Variants in TASOR2 observed in about 807,000 individuals in gnomAD.
The protein encoded by TASOR2 is protein TASOR 2.
A neutral mutation model predicts 199.5 loss-of-function variants in TASOR2; 84 were observed. The observed-to-expected ratio is 0.42, with a 90% CI of 0.35 to 0.50. The LOEUF is 0.50. Ranked by LOEUF, TASOR2 falls within the 20% of genes least tolerant of loss-of-function variation. The probability of loss-of-function intolerance (pLI) is 0.02; values close to 1 mark genes in which losing one functional copy is unlikely to be tolerated. For missense variants in TASOR2, 2,796 were observed against 2,835.9 expected (o/e 0.99, Z 0.32); for synonymous variants, 1,103 against 1,046.6 (o/e 1.05, Z -1.04).
intron 11 of TASOR2, among the ~76,000 whole-genome samples, chr10:5,732,009 C>G (rs1400805491): frequency 6.6e-6 from 1 of 152,306 alleles, no homozygotes; most frequent in Non-Finnish European, 1.5e-5. Flanking sequence ...ACGTGAGCAC[C>G]TGGATTATTC....
exon 13 of TASOR2, chr10:5,739,877 G>A: frequency 6.2e-7 from 1 of 1,614,106 alleles, no homozygotes; most frequent in Non-Finnish European, 8.5e-7. Context: ...ATGATGTTTT[G>A]CTCTCTAAAG....
intron 1 of TASOR2, among the ~76,000 whole-genome samples, chr10:5,711,909 A>G (rs1267818797): frequency 6.6e-6 from 1 of 152,140 alleles, no homozygotes; most frequent in African/African-American, 2.4e-5. Context: ...TGAGTGGGCA[A>G]TAGTAGGTCC....
At position 5,684,972 on chromosome 10, in the gene TASOR2, C is replaced by T. The variant is rs560625402; in HGVS notation, c.-491C>T. On this transcript the variant is annotated 5_prime_UTR_variant, in exon 1 of 21. Transcript: ENST00000328090. ...GCGGCCGCGGCGTCCCTGTCAGCGCCCGCGGCGAGGACCCCGGGGCTGGGG... is the reference window on the plus strand; with the variant it reads ...GCGGCCGCGGCGTCCCTGTCAGCGCTCGCGGCGAGGACCCCGGGGCTGGGG... The T allele has an allele frequency of 5.3e-5, 21 of 397,750 alleles. 1 individual carries two copies. Among genetic ancestry groups the T allele is most frequent in the Non-Finnish European group, 3.5e-5 (8 of 225,464 alleles). The allele number at this position is 397,750 out of a possible 1,614,324, so 24.6% of individuals were successfully genotyped here.
rs114756514 is a variant in TASOR2 at position 5,732,218 on chromosome 10, G to C, written c.1204+1015G>C. On this transcript the variant is annotated intron_variant, in intron 11 of 20. Coordinates refer to ENST00000328090, the Ensembl canonical transcript of TASOR2. ...CTTTGGTTTAGAGTCATCTCAAATT[G>C]TGTTTTACTCTATTTTCTCTAAAAG... 3.4e-3 allele frequency among the ~76,000 whole-genome samples: 523 copies of C among 152,330 alleles called. 1 individual carries two copies. The highest frequency in any genetic ancestry group is 0.011 in the African/African-American group (471 of 41,580).
chr10:5,762,132 G>C (rs1487069680), intron 19 of TASOR2, among the ~76,000 whole-genome samples: 1 of 152,006 alleles, frequency 6.6e-6, no homozygotes, highest in Non-Finnish European at 1.5e-5. Flanking sequence ...CAGGTGTGGT[G>C]ATGTGTGCCT....
chr10:5,749,760 T>C, exon 15 of TASOR2: 1 of 1,614,218 alleles, frequency 6.2e-7, no homozygotes, highest in Non-Finnish European at 8.5e-7. Context: ...TTATTCTCAA[T>C]GAGTATGCTG....
chr10:5,726,896 A>G, exon 9 of TASOR2: 1 of 1,614,018 alleles, frequency 6.2e-7, no homozygotes, highest in Non-Finnish European at 8.5e-7. Context: ...CAATCATCAA[A>G]TGCTTAGAAG....
At chr10:5,743,581 T>C (rs550801871) in intron 14 of TASOR2, among the ~76,000 whole-genome samples, 95 of 152,194 alleles carry the variant, frequency 6.2e-4, no homozygotes, top group African/African-American at 2.1e-3. Context: ...GCTTTTTTTT[T>C]CCCCTAAAGA....
exon 16 of TASOR2, chr10:5,756,686 A>G (rs755244071): frequency 3.1e-6 from 5 of 1,613,656 alleles, no homozygotes; most frequent in South Asian, 2.2e-5. Flanking sequence ...AGAGAGAATG[A>G]TACACTAATC....
intron 1 of TASOR2, among the ~76,000 whole-genome samples, chr10:5,693,523 T>A (rs950032476): frequency 6.6e-6 from 1 of 152,228 alleles, no homozygotes; most frequent in African/African-American, 2.4e-5. Flanking sequence ...TCTGGGTCTC[T>A]GTTTTGACTT....
At position 5,762,546 on chromosome 10, in the gene TASOR2, C is replaced by T. The variant is rs75004071; in HGVS notation, c.7189C>T (p.Pro2397Ser). 6.9e-4 allele frequency: 753 copies of T among 1,096,754 alleles called. 11 individuals carry two copies. In the East Asian group the frequency reaches 0.019, roughly 28 times the overall value. 67.9% of individuals were successfully genotyped at this position (1,096,754 alleles called of 1,614,324 possible). The change falls in exon 20 of 21, where the codon CCC becomes TCC. Residue 2397 changes from proline (P) to serine (S), a missense_variant. Around this residue, in one of 3 missense-constraint regions of TASOR2, gnomAD observed 1,941 missense variants for 1,924.9 expected, o/e 1.01. Transcript: ENST00000328090. Reference sequence around the variant, plus strand: ...TTTTTTAACAGACAAGCCTACTATCCCCAGAGAAGTCTTTGAAAATAGTGG... The same window carrying T: ...TTTTTTAACAGACAAGCCTACTATCTCCAGAGAAGTCTTTGAAAATAGTGG...
intron 10 of TASOR2, 141 bp downstream of exon 11, chr10:5,727,264 CT>C: frequency 1.3e-6 from 1 of 793,540 alleles, no homozygotes; most frequent in Non-Finnish European, 2.0e-6. Context: ...CTGGTTCACC[CT>C]TCTTGACCTC....
chr10:5,763,081 A>C (rs751550916), exon 21 of TASOR2: 2 of 1,598,866 alleles, frequency 1.3e-6, no homozygotes, highest in South Asian at 2.2e-5. Flanking sequence ...AAAAATTAGT[A>C]TTTTCCCTTT....
intron 8 of TASOR2, among the ~76,000 whole-genome samples, chr10:5,726,046 C>G (rs1184926025): frequency 6.6e-6 from 1 of 152,104 alleles, no homozygotes; most frequent in African/African-American, 2.4e-5. Context: ...CTTATCACCT[C>G]TCAGTTTTGA....
rs1836553000 is a variant in TASOR2, at chr10:5,742,331, G to A, written c.2562G>A (p.Glu854=). ...AATGTTCTGCAGACTCTCTGTTGGA[G>A]ACTAACGAAATTTCCAGGGCTCATG... The change falls in exon 14 of 21, where the codon GAG becomes GAA. Residue 854 remains glutamate, a synonymous_variant. Transcript: ENST00000328090. The surrounding 1 kb of genome is among the most constrained non-coding windows in gnomAD (Gnocchi z 4.2). The A allele has an allele frequency of 5.6e-6, 9 of 1,614,044 alleles. No individual in the cohort carries two copies. The highest frequency in any genetic ancestry group is 7.6e-6 in the Non-Finnish European group (9 of 1,180,042).
intron 1 of TASOR2, among the ~76,000 whole-genome samples, chr10:5,686,168 GT>G (rs1835794861): frequency 6.6e-6 from 1 of 152,158 alleles, no homozygotes; most frequent in South Asian, 2.1e-4. Context: ...CAGAAAAAGG[GT>G]GACAAAAGGT....
In TASOR2 at chr10:5,735,372, A is replaced by T. The variant is rs766707262; in HGVS notation, c.1273A>T (p.Ile425Phe). 6.8e-6 allele frequency: 11 copies of T among 1,614,052 alleles called. No individual in the cohort carries two copies. The highest frequency in any genetic ancestry group is 1.3e-5 in the African/African-American group (1 of 74,918). The change falls in exon 12 of 21, where the codon ATT becomes TTT. Residue 425 changes from isoleucine to phenylalanine, a missense_variant. By Grantham distance (21) the Ile-to-Phe change is conservative. Coordinates refer to ENST00000328090, the Ensembl canonical transcript of TASOR2. ...GGATAGGAAAAACCAAGAAGCTCCT[A>T]TTTCTAAAGATGTTCCAGTGCCAAC...
chr10:5,733,164 C>A (rs1199117222), intron 11 of TASOR2, among the ~76,000 whole-genome samples: 5 of 150,852 alleles, frequency 3.3e-5, no homozygotes, highest in African/African-American at 9.7e-5. Flanking sequence ...ACAAAAATTT[C>A]AAAAAAAAAT....
At chr10:5,703,106 A>G (rs908467685) in intron 1 of TASOR2, among the ~76,000 whole-genome samples, 8 of 152,202 alleles carry the variant, frequency 5.3e-5, no homozygotes, top group African/African-American at 1.9e-4. Flanking sequence ...GGAAACATCT[A>G]GAAGACAGAT....
Sources: allele counts gnomAD v4.1 joint callset (sites outside exome capture counted in the v4.1 genomes callset), GRCh38; gene constraint gnomAD v4.1.1; regional missense constraint gnomAD v4.1.1; non-coding constraint Gnocchi (gnomAD v3.1); transcripts MANE v1.5; gene names NCBI Gene and HGNC (gene_info 2026-07-23, HGNC 2026-07-21).